Variants in MECOM observed in about 807,000 individuals in gnomAD.
The protein encoded by MECOM is histone-lysine N-methyltransferase MECOM.
In MECOM, 13 loss-of-function variants were observed where a neutral mutation model predicts 116.3. That is an observed-to-expected ratio of 0.11 (90% CI 0.07 to 0.18). The LOEUF is 0.18. Among genes scored for constraint, MECOM ranks in the 10% least tolerant of loss-of-function variants. The pLI is 1.00. For synonymous variants in MECOM, 528 were observed against 535.2 expected, an observed-to-expected ratio of 0.99 and a Z score of 0.19; for missense variants, 1,299 against 1,509.0, an observed-to-expected ratio of 0.86 and a Z score of 2.31.
chr3:169,098,267 C>G (rs1045677296), intron 12 of MECOM, among the ~76,000 whole-genome samples: 31 of 152,302 alleles, frequency 2.0e-4, no homozygotes, highest in African/African-American at 7.2e-4. Context: ...TCTATGATCC[C>G]ACATTGCATT....
chr3:169,374,295 T>G (rs1730649465), intron 2 of MECOM, among the ~76,000 whole-genome samples: 1 of 151,938 alleles, frequency 6.6e-6, no homozygotes, highest in South Asian at 2.1e-4. Context: ...ATCTTGAACT[T>G]CTAGCCTCCA....
At chr3:169,518,290 G>A (rs1756933826) in intron 1 of MECOM, among the ~76,000 whole-genome samples, 1 of 151,940 alleles carries the variant, frequency 6.6e-6, no homozygotes, top group African/African-American at 2.4e-5. Flanking sequence ...GAAAACAGTT[G>A]ACAGGTATAG....
intron 1 of MECOM, among the ~76,000 whole-genome samples, chr3:169,656,479 A>G (rs1250819094): frequency 6.6e-6 from 1 of 152,180 alleles, no homozygotes. Flanking sequence ...CAGGAATTTG[A>G]TTAAAAATTC....
At chr3:169,663,260 C>T (rs1029068147) in intron 1 of MECOM, 76 bp downstream of exon 1, 10 of 1,527,036 alleles carry the variant, frequency 6.5e-6, no homozygotes, top group Non-Finnish European at 8.9e-6. Flanking sequence ...CGCGCTCCCT[C>T]CCGGAGCGCT....
intron 1 of MECOM, among the ~76,000 whole-genome samples, chr3:169,413,595 T>G (rs1161842254): frequency 6.6e-6 from 1 of 151,714 alleles, no homozygotes; most frequent in East Asian, 1.9e-4. Flanking sequence ...TCTTGCTCAG[T>G]GGATCCCAAC....
intron 1 of MECOM, among the ~76,000 whole-genome samples, chr3:169,632,057 C>T (rs1175302328): frequency 6.6e-6 from 1 of 152,142 alleles, no homozygotes; most frequent in African/African-American, 2.4e-5. Context: ...GGGACTCTGT[C>T]TACACCAGCA....
chr3:169,483,318 C>A (rs952721491), intron 1 of MECOM, among the ~76,000 whole-genome samples: 7 of 149,836 alleles, frequency 4.7e-5, no homozygotes, highest in African/African-American at 1.7e-4. Flanking sequence ...CACTTGTATC[C>A]CTGAATCATT....
In MECOM at chr3:169,115,738, C is replaced by T; in HGVS notation, c.2134G>A (p.Asp712Asn). The T allele has an allele frequency of 6.2e-7, 1 of 1,614,122 alleles. No individual in the cohort carries two copies. Among genetic ancestry groups the T allele is most frequent in the Non-Finnish European group, 8.5e-7 (1 of 1,180,022 alleles). ...AAAGGTAACGATCTCAAGTCTCTAT[C>T]AGGAAATGGGTACATTGATTGAGAG... Reference protein sequence around the residue: ...AFSQSMYPFPDRDLRSLPLKM... With the variant: ...AFSQSMYPFPNRDLRSLPLKM... The change falls in exon 8 of 17, where the codon GAT becomes AAT. Residue 712 changes from aspartate (D) to asparagine (N), a missense_variant. By Grantham distance (23) the Asp-to-Asn change is conservative. Around this residue, in one of 6 missense-constraint regions of MECOM, gnomAD observed 340 missense variants for 312.6 expected, o/e 1.09. Transcript: ENST00000651503.
intron 2 of MECOM, among the ~76,000 whole-genome samples, chr3:169,280,697 C>T (rs1711750649): frequency 1.3e-5 from 2 of 152,116 alleles, no homozygotes; most frequent in South Asian, 4.1e-4. Flanking sequence ...TCAAAAACTG[C>T]ATTTGATCAT....
intron 1 of MECOM, among the ~76,000 whole-genome samples, chr3:169,463,211 C>T (rs1747747071): frequency 6.6e-6 from 1 of 152,112 alleles, no homozygotes; most frequent in Admixed American, 6.6e-5. Context: ...AAAAAAGAAA[C>T]CACCCCACTG....
intron 2 of MECOM, among the ~76,000 whole-genome samples, chr3:169,156,805 A>G (rs1054825855): frequency 1.3e-5 from 2 of 152,158 alleles, no homozygotes; most frequent in African/African-American, 2.4e-5. Context: ...CATTATCTAG[A>G]TATGCATTTC....
At chr3:169,391,696 GT>G (rs1297622614) in intron 1 of MECOM, among the ~76,000 whole-genome samples, 2 of 152,058 alleles carry the variant, frequency 1.3e-5, no homozygotes, top group African/African-American at 4.8e-5. Flanking sequence ...TTGAGAGGGG[GT>G]AATTTCAACA....
chr3:169,195,102 T>C (rs921768108), intron 2 of MECOM, among the ~76,000 whole-genome samples: 1 of 152,134 alleles, frequency 6.6e-6, no homozygotes, highest in African/African-American at 2.4e-5. Context: ...ATGAACTTTT[T>C]GTGATCATCA....
chr3:169,291,403 A>G (rs1277832044), intron 2 of MECOM, among the ~76,000 whole-genome samples: 1 of 152,224 alleles, frequency 6.6e-6, no homozygotes, highest in Non-Finnish European at 1.5e-5. Context: ...AACAGTAAAT[A>G]TAATTGCCCT....
intron 1 of MECOM, among the ~76,000 whole-genome samples, chr3:169,424,519 T>C (rs554501584): frequency 6.6e-6 from 1 of 152,262 alleles, no homozygotes; most frequent in African/African-American, 2.4e-5. Context: ...GACACAATTG[T>C]ACAAACCTCC....
intron 2 of MECOM, among the ~76,000 whole-genome samples, chr3:169,297,729 C>T (rs1342359096): frequency 6.6e-6 from 1 of 152,120 alleles, no homozygotes; most frequent in Non-Finnish European, 1.5e-5. Flanking sequence ...GGAAAGAATA[C>T]CTCAGAAAGA....
intron 3 of MECOM, among the ~76,000 whole-genome samples, chr3:169,141,121 T>G (rs1002619789): frequency 6.6e-6 from 1 of 152,112 alleles, no homozygotes; most frequent in African/African-American, 2.4e-5. Flanking sequence ...TACACTCTTG[T>G]TTTGTCCTGG....
At chr3:169,197,396 A>G (rs185377777) in intron 2 of MECOM, among the ~76,000 whole-genome samples, 148 of 152,106 alleles carry the variant, frequency 9.7e-4, no homozygotes, top group Non-Finnish European at 1.4e-3. Context: ...ACTATGATAA[A>G]TGAATAAAGT....
At chr3:169,428,419 G>A (rs1741075308) in intron 1 of MECOM, among the ~76,000 whole-genome samples, 1 of 152,130 alleles carries the variant, frequency 6.6e-6, no homozygotes, top group Non-Finnish European at 1.5e-5. Context: ...TTGCCTATGA[G>A]AATCGAATGC....
Sources: allele counts gnomAD v4.1 joint callset (sites outside exome capture counted in the v4.1 genomes callset), GRCh38; gene constraint gnomAD v4.1.1; regional missense constraint gnomAD v4.1.1; transcripts MANE v1.5; gene names NCBI Gene and HGNC (gene_info 2026-07-23, HGNC 2026-07-21).